RAD54L2: variants seen among roughly 807,000 people sequenced by gnomAD.
The protein encoded by RAD54L2 is helicase ARIP4.
RAD54L2 carries 27 observed loss-of-function variants against 138.4 expected under a neutral mutation model. The ratio of observed to expected loss-of-function variants is 0.20; its 90% CI spans 0.14 to 0.27. The LOEUF (loss-of-function observed/expected upper bound fraction) is 0.27, where lower values mean the gene tolerates loss of function less well. Among genes scored for constraint, RAD54L2 ranks in the 10% least tolerant of loss-of-function variants. RAD54L2 has a pLI of 1.00. For missense variants in RAD54L2, 1,396 were observed against 1,890.2 expected, an observed-to-expected ratio of 0.74 and a Z score of 4.85; for synonymous variants, 644 against 723.2, an observed-to-expected ratio of 0.89 and a Z score of 1.76.
At chr3:51,564,092 G>C (rs200786394) in intron 2 of RAD54L2, among the ~76,000 whole-genome samples, 1 of 152,178 alleles carries the variant, frequency 6.6e-6, no homozygotes. Flanking sequence ...TTAATGGCTT[G>C]TATAGATACA....
intron 4 of RAD54L2, among the ~76,000 whole-genome samples, chr3:51,628,210 A>G (rs1463887595): frequency 6.6e-6 from 1 of 152,178 alleles, no homozygotes; most frequent in East Asian, 1.9e-4. Context: ...TAACTATCCA[A>G]ATCCCCAACA....
At position 51,645,522 on chromosome 3, in the gene RAD54L2, T is replaced by G; in HGVS notation, c.2657-69T>G. 7.0e-7 allele frequency: 1 copy of G among 1,428,804 alleles called. No homozygotes were observed. The allele number at this position is 1,428,804 out of a possible 1,614,324, so 88.5% of individuals were successfully genotyped here. A position where few individuals can be genotyped will look rare whatever the true frequency, so the allele number is the denominator to read the frequency against. ...TTGACTTTCAGATATGGGATGACTT[T>G]TCATTATTAGTGACCTTTACAGTTT... On this transcript the variant is annotated intron_variant, in intron 17 of 22. Transcript: ENST00000684192. The surrounding 1 kb of genome is among the most constrained non-coding windows in gnomAD (Gnocchi z 6.1).
At chr3:51,661,546 G>A (rs1206393875) in intron 22 of RAD54L2, among the ~76,000 whole-genome samples, 1 of 152,194 alleles carries the variant, frequency 6.6e-6, no homozygotes, top group Non-Finnish European at 1.5e-5. Context: ...GTATATGTGT[G>A]GCACATGAAC....
At chr3:51,538,971 A>C (rs1243145303) in intron 1 of RAD54L2, among the ~76,000 whole-genome samples, 56 bp downstream of exon 1, 1 of 151,948 alleles carries the variant, frequency 6.6e-6, no homozygotes, top group Non-Finnish European at 1.5e-5. Flanking sequence ...GTCCCGCAAC[A>C]ATGGGGACCG....
intron 19 of RAD54L2, among the ~76,000 whole-genome samples, chr3:51,652,162 A>C (rs1426608746): frequency 6.6e-6 from 1 of 152,246 alleles, no homozygotes; most frequent in Non-Finnish European, 1.5e-5. Flanking sequence ...GAGCCAAATC[A>C]TGAGTGAACT....
chr3:51,644,365 AGTCTGAGAG>A (rs1234078622), intron 16 of RAD54L2, among the ~76,000 whole-genome samples: 1 of 152,130 alleles, frequency 6.6e-6, no homozygotes, highest in Non-Finnish European at 1.5e-5. Context: ...GGATGGCTTG[AGTCTGAGAG>A]GTCGAAGCTG....
rs1375576105 is a variant in RAD54L2, at chr3:51,630,290, C to A, written c.500C>A (p.Ala167Glu). 1 of 1,613,960 alleles carries A rather than the reference C, an allele frequency of 6.2e-7. No homozygotes were observed. Among genetic ancestry groups the A allele is most frequent in the Non-Finnish European group, 8.5e-7 (1 of 1,179,850 alleles). ...TTCCTAGAGGAAATTGCTTTAAGGG[C>A]AAGTGACGGTCCCCAACTGCCTCCT... ...EFLPEEIALRASDGPQLPPRV... is the reference protein window; with the variant it reads ...EFLPEEIALRESDGPQLPPRV... The change falls in exon 6 of 23, where the codon GCA (alanine) becomes GAA (glutamate). Residue 167 changes from alanine (A) to glutamate (E), a missense_variant. Ala to Glu is a moderately radical substitution (Grantham distance 107). Coordinates refer to ENST00000684192, the MANE Select transcript of RAD54L2 (RefSeq NM_015106.4).
Position 51,665,231 on chromosome 3 carries a change from G to C in RAD54L2, c.*1811G>C, listed in dbSNP as rs1362262204. ...TTATGATGAACAAACTTTGGCTTTAGAGCTTTACCACTTACCCATGGCTCC... is the reference window on the plus strand; with the variant it reads ...TTATGATGAACAAACTTTGGCTTTACAGCTTTACCACTTACCCATGGCTCC... On this transcript the variant is annotated 3_prime_UTR_variant, in exon 23 of 23. Coordinates refer to ENST00000684192, the MANE Select transcript of RAD54L2 (RefSeq NM_015106.4). The C allele has an allele frequency of 1.4e-5, 2 of 142,676 alleles. No homozygotes were observed. Among genetic ancestry groups the C allele is most frequent in the African/African-American group, 5.2e-5 (2 of 38,504 alleles). The allele number at this position is 142,676 out of a possible 1,614,324, so 8.8% of individuals were successfully genotyped here. A position where few individuals can be genotyped will look rare whatever the true frequency, so the allele number is the denominator to read the frequency against.
Position 51,590,388 on chromosome 3 carries a change from G to A in RAD54L2, c.-33G>A, listed in dbSNP as rs1699813780. 4.7e-6 allele frequency: 7 copies of A among 1,493,718 alleles called. No individual in the cohort carries two copies. Among genetic ancestry groups the A allele is most frequent in the Non-Finnish European group, 6.3e-6 (7 of 1,116,930 alleles). The allele number at this position is 1,493,718 out of a possible 1,614,324, so 92.5% of individuals were successfully genotyped here. On this transcript the variant is annotated 5_prime_UTR_variant, in exon 3 of 23. Transcript: ENST00000684192. ...CTAGCACCCCTGCAGTGGACCATGA[G>A]TCGGTAATGCCCACTGAGGACCTCT...
Position 51,638,822 on chromosome 3 carries a change from T to G in RAD54L2, c.1860+501T>G, listed in dbSNP as rs1189075640. The G allele has an allele frequency of 6.3e-6, 1 of 159,294 alleles. No individual in the cohort carries two copies. Among genetic ancestry groups the G allele is most frequent in the Non-Finnish European group, 1.4e-5 (1 of 72,376 alleles). 9.9% of individuals were successfully genotyped at this position (159,294 alleles called of 1,614,324 possible). On this transcript the variant is annotated intron_variant, in intron 12 of 22. Transcript: ENST00000684192. This position sits in a 1 kb window ranked among gnomAD's most constrained non-coding sequence, Gnocchi z 4.3. ...TATTATTCTTAATTGACCACTGCTTTAATAAGTCAGCAGAAGGTATGTGTC... is the reference window on the plus strand; with the variant it reads ...TATTATTCTTAATTGACCACTGCTTGAATAAGTCAGCAGAAGGTATGTGTC...
chr3:51,635,806 A>T lies in RAD54L2; in HGVS notation c.1339+17A>T, dbSNP rs762565863. Reference sequence around the variant, plus strand: ...TTCGGAGAGGTGGGCAGCCTATCCCAGGAATACTCTTGTTGGTGTTTCAGG... The same window carrying T: ...TTCGGAGAGGTGGGCAGCCTATCCCTGGAATACTCTTGTTGGTGTTTCAGG... On this transcript the variant is annotated intron_variant, in intron 10 of 22. Transcript: ENST00000684192. 2 of 1,591,964 alleles carry T rather than the reference A, an allele frequency of 1.3e-6. No homozygotes were observed. The highest frequency in any genetic ancestry group is 4.5e-5 in the East Asian group (2 of 44,380).
rs768354274 is a variant in RAD54L2, at chr3:51,626,436, C to CTTTTT, written c.140-1095_140-1091dup. On this transcript the variant is annotated intron_variant, in intron 3 of 22. Transcript: ENST00000684192. ...TGACATCCCCTGGACCCCCAACGATCTTTTTTTTTTTTTTTTTTTTTTTTT... is the reference window on the plus strand; with the variant it reads ...TGACATCCCCTGGACCCCCAACGATCTTTTTTTTTTTTTTTTTTTTTTTTTTTTTT... 2.3e-4 allele frequency among the ~76,000 whole-genome samples: 9 copies of CTTTTT among 39,392 alleles called. 2 individuals are homozygous for CTTTTT. The highest frequency in any genetic ancestry group is 8.9e-4 in the African/African-American group (8 of 8,970). The allele number at this position is 39,392 out of a possible 152,430, so 25.8% of individuals were successfully genotyped here.
rs1457770907 is a variant in RAD54L2 at position 51,637,094 on chromosome 3, C to A, written c.1340-67C>A. 2.9e-6 allele frequency: 4 copies of A among 1,366,822 alleles called. No individual in the cohort carries two copies. Among genetic ancestry groups the A allele is most frequent in the Non-Finnish European group, 4.1e-6 (4 of 985,180 alleles). 84.7% of individuals were successfully genotyped at this position (1,366,822 alleles called of 1,614,324 possible). A position where few individuals can be genotyped will look rare whatever the true frequency, so the allele number is the denominator to read the frequency against. ...CTGTCTCCTCCAGGGTGCACCCCTA[C>A]TTCTCATATTATTGACTAAGAGCAG... On this transcript the variant is annotated intron_variant, in intron 10 of 22. Transcript: ENST00000684192. The surrounding 1 kb of genome is among the most constrained non-coding windows in gnomAD (Gnocchi z 5.9).
intron 3 of RAD54L2, among the ~76,000 whole-genome samples, chr3:51,606,520 T>G (rs191692923): frequency 6.6e-6 from 1 of 152,226 alleles, no homozygotes; most frequent in Non-Finnish European, 1.5e-5. Context: ...AATGCTCTTC[T>G]AGCTTAGAGA....
chr3:51,575,700 A>G (rs143646106), intron 2 of RAD54L2, among the ~76,000 whole-genome samples: 208 of 152,270 alleles, frequency 1.4e-3, no homozygotes, highest in African/African-American at 4.8e-3. Flanking sequence ...CTGATTTTGT[A>G]CCCTGAGACT....
intron 14 of RAD54L2, 102 bp downstream of exon 14, chr3:51,640,101 A>G (rs1352750163): frequency 7.7e-6 from 6 of 777,448 alleles, no homozygotes; most frequent in African/African-American, 7.0e-5. Flanking sequence ...CCCAAGTGCT[A>G]TTGTGAGGAC....
chr3:51,598,175 G>GTATATATATA (rs1158790269), intron 3 of RAD54L2, among the ~76,000 whole-genome samples: 1 of 143,148 alleles, frequency 7.0e-6, no homozygotes, highest in African/African-American at 2.6e-5. Flanking sequence ...GTGTGTGTGT[G>GTATATATATA]TGTATATATA....
At chr3:51,582,214 C>G (rs866357680) in intron 2 of RAD54L2, among the ~76,000 whole-genome samples, 2 of 152,116 alleles carry the variant, frequency 1.3e-5, no homozygotes, top group Non-Finnish European at 2.9e-5. Flanking sequence ...GGCCAGTAAT[C>G]ACCAGCTTAA....
chr3:51,555,035 G>A (rs1450249185), intron 2 of RAD54L2, among the ~76,000 whole-genome samples: 1 of 151,956 alleles, frequency 6.6e-6, no homozygotes, highest in Admixed American at 6.6e-5. Flanking sequence ...TAGTAAAAGG[G>A]TTTTGCCATG....
Sources: allele counts gnomAD v4.1 joint callset (sites outside exome capture counted in the v4.1 genomes callset), GRCh38; gene constraint gnomAD v4.1.1; non-coding constraint Gnocchi (gnomAD v3.1); transcripts MANE v1.5; gene names NCBI Gene and HGNC (gene_info 2026-07-23, HGNC 2026-07-21).